ZNF561: variants seen among roughly 807,000 people sequenced by gnomAD.
The protein encoded by ZNF561 is zinc finger protein 561.
In ZNF561, 16 loss-of-function variants were observed where a neutral mutation model predicts 16.7. The ratio of observed to expected loss-of-function variants is 0.96; its 90% CI spans 0.65 to 1.45. The LOEUF is 1.45. Ranked by LOEUF, ZNF561 falls within the 40% of genes most tolerant of loss-of-function variation. The pLI, the probability that ZNF561 is intolerant of heterozygous loss-of-function variation, is 0.00. For missense variants in ZNF561, 580 were observed against 578.0 expected (o/e 1.00, Z -0.04); for synonymous variants, 190 against 192.1 (o/e 0.99, Z 0.09).
At chr19:9,618,643 G>A (rs1228736703) in intron 2 of ZNF561, among the ~76,000 whole-genome samples, 2 of 151,796 alleles carry the variant, frequency 1.3e-5, no homozygotes, top group African/African-American at 2.4e-5. Flanking sequence ...GGAGAATGGT[G>A]TGAACCCAGG....
chr19:9,616,837 G>A lies in ZNF561; in HGVS notation c.241+208C>T, dbSNP rs570884159. 36 of 496,754 alleles carry A rather than the reference G, an allele frequency of 7.2e-5. 1 individual carries two copies. Among genetic ancestry groups the A allele is most frequent in the Middle Eastern group, 1.2e-3 (2 of 1,660 alleles). 30.8% of individuals were successfully genotyped at this position (496,754 alleles called of 1,614,324 possible). ...TCTCCATCTCTGGACCTTGTGATCCGTCCACCTCAGCCTCCCAAAGTGCTG... is the reference window on the plus strand; with the variant it reads ...TCTCCATCTCTGGACCTTGTGATCCATCCACCTCAGCCTCCCAAAGTGCTG... On this transcript the variant is annotated intron_variant, in intron 4 of 5. Coordinates refer to ENST00000302851, the MANE Select transcript of ZNF561 (RefSeq NM_152289.3).
chr19:9,615,193 G>T (rs1044819286), intron 4 of ZNF561, among the ~76,000 whole-genome samples: 1 of 151,966 alleles, frequency 6.6e-6, no homozygotes, highest in Admixed American at 6.6e-5. Flanking sequence ...GGATATAAAA[G>T]CTAAGATCTC....
At position 9,617,161 on chromosome 19, in the gene ZNF561, G is replaced by T; in HGVS notation, c.125C>A (p.Thr42Lys). Residue 42 changes from threonine to lysine, a missense_variant, in exon 4 of 6, where the codon ACG becomes AAG. Thr to Lys is a moderately conservative substitution (Grantham distance 78). Transcript: ENST00000302851. ...GAAGTCCACAGCCACATCATCAAAC[G>T]TCACTGAATCCTATGTCATCATACA... is the stretch of plus-strand genomic sequence containing the variant. ...YLASGYQDSVTFDDVAVDFTP... is the reference protein window; with the variant it reads ...YLASGYQDSVKFDDVAVDFTP... 6.2e-7 allele frequency: 1 copy of T among 1,612,812 alleles called. No homozygotes were observed. The highest frequency in any genetic ancestry group is 8.5e-7 in the Non-Finnish European group (1 of 1,179,190).
chr19:9,618,357 A>G (rs182284815), intron 2 of ZNF561, among the ~76,000 whole-genome samples, 178 bp from the exon 3 acceptor site: 17 of 152,318 alleles, frequency 1.1e-4, no homozygotes, highest in Non-Finnish European at 1.9e-4. Flanking sequence ...GCTAGACACA[A>G]AAGCAGACTT....
chr19:9,614,092 G>A lies in ZNF561; in HGVS notation c.253C>T (p.Gln85Ter). 6.2e-7 allele frequency: 1 copy of A among 1,613,998 alleles called. No homozygotes were observed. Among genetic ancestry groups the A allele is most frequent in the South Asian group, 1.1e-5 (1 of 91,060 alleles). ...MNLASVEWEI[Q>*]PRTKRSSLQQ... ...AGTGATGACCGTTTGGTTCTAGGTTGTATTTCCCATTCTAAAGTTAAGCAG... is the reference window on the plus strand; with the variant it reads ...AGTGATGACCGTTTGGTTCTAGGTTATATTTCCCATTCTAAAGTTAAGCAG... The change falls in exon 5 of 6, where the codon CAA becomes TAA. Residue 85 changes from glutamine (Q) to a stop codon, truncating the protein, a stop_gained. Coordinates refer to ENST00000302851, the MANE Select transcript of ZNF561 (RefSeq NM_152289.3). LOFTEE classifies it high-confidence loss of function.
rs773005385 is a variant in ZNF561, at chr19:9,619,424, AGACTTACCACGG to A, written c.21_25+7del. 8.7e-6 allele frequency: 14 copies of A among 1,613,020 alleles called. No individual in the cohort carries two copies. In the South Asian group the frequency reaches 1.4e-4, roughly 16 times the overall value. ...AATCTCTGAAAAAGAGCATCAACAA[AGACTTACCACGG>A]GACAAATAAATGGCTGCCATTCTCT... On this transcript the variant is annotated splice_donor_variant and splice_donor_5th_base_variant and coding_sequence_variant and intron_variant, in exon 2 of 6. Coordinates refer to ENST00000302851, the MANE Select transcript of ZNF561 (RefSeq NM_152289.3). LOFTEE classifies it high-confidence loss of function.
intron 4 of ZNF561, among the ~76,000 whole-genome samples, chr19:9,615,241 C>T (rs956384391): frequency 6.6e-6 from 1 of 152,062 alleles, no homozygotes; most frequent in Non-Finnish European, 1.5e-5. Flanking sequence ...ATCTCTGACC[C>T]ATTAAACCCA....
rs567555346 is a variant in ZNF561, at chr19:9,614,476, C to T, written c.242-373G>A. 3.9e-5 allele frequency among the ~76,000 whole-genome samples: 6 copies of T among 152,180 alleles called. No homozygotes were observed. In the East Asian group the frequency reaches 5.8e-4, roughly 15 times the overall value. ...ATACAAAATTAGCCAGGCATGGTGG[C>T]GCATGCCTATAATCCCAGCTACTTG... is the stretch of plus-strand genomic sequence containing the variant. On this transcript the variant is annotated intron_variant, in intron 4 of 5. Coordinates refer to ENST00000302851, the MANE Select transcript of ZNF561 (RefSeq NM_152289.3).
chr19:9,614,058 C>T lies in ZNF561; in HGVS notation c.287G>A (p.Gly96Asp). ...ACTGAATATTTGATTCTTCAAAAAA[C>T]CCTGCTGAAGTGATGACCGTTTGGT... is the stretch of plus-strand genomic sequence containing the variant. ...PRTKRSSLQQ[G>D]FLKNQIFSGI... The change falls in exon 5 of 6, where the codon GGT (glycine) becomes GAT (aspartate). Residue 96 changes from glycine (G) to aspartate (D), a missense_variant. By Grantham distance (94) the Gly-to-Asp change is moderately conservative (BLOSUM62 -1). Transcript: ENST00000302851. 6.2e-7 allele frequency: 1 copy of T among 1,614,034 alleles called. No homozygotes were observed.
chr19:9,616,369 C>T (rs1373939343), intron 4 of ZNF561, among the ~76,000 whole-genome samples: 1 of 152,074 alleles, frequency 6.6e-6, no homozygotes, highest in African/African-American at 2.4e-5. Flanking sequence ...GCAACTTCTG[C>T]CTCCTTGTTC....
rs377126121 is a variant in ZNF561, at chr19:9,619,500, G to A, written c.-44C>T. On this transcript the variant is annotated 5_prime_UTR_variant, in exon 2 of 6. Coordinates refer to ENST00000302851, the MANE Select transcript of ZNF561 (RefSeq NM_152289.3). Reference sequence around the variant, plus strand: ...TGATGATGTGCATCCCTTCCTTGATGCCAAGATCACCTCAGGCCAGCTTAT... The same window carrying A: ...TGATGATGTGCATCCCTTCCTTGATACCAAGATCACCTCAGGCCAGCTTAT... The A allele has an allele frequency of 6.2e-7, 1 of 1,609,586 alleles. No individual in the cohort carries two copies. The highest frequency in any genetic ancestry group is 1.3e-5 in the African/African-American group (1 of 74,782).
chr19:9,618,290 C>T (rs2074596085), intron 2 of ZNF561, 111 bp from the exon 3 acceptor site: 8 of 1,029,804 alleles, frequency 7.8e-6, no homozygotes, highest in Non-Finnish European at 1.1e-5. Context: ...CTCCTACACA[C>T]TCGAGAAAAC....
At chr19:9,613,939 T>C (rs2074507067) in intron 5 of ZNF561, 82 bp downstream of exon 5, 6 of 1,551,584 alleles carry the variant, frequency 3.9e-6, no homozygotes, top group Non-Finnish European at 4.4e-6. Flanking sequence ...AAGCCACACC[T>C]CTGACTGAGC....
In ZNF561 at chr19:9,609,842, T is replaced by C. The variant is rs1003950785; in HGVS notation, c.*358A>G. ...CCCACCTTTGGGGTCCTACATCATC[T>C]TGGCTTCTGGTAAATTTTGACATAA... On this transcript the variant is annotated 3_prime_UTR_variant, in exon 6 of 6. Transcript: ENST00000302851. 9 of 182,890 alleles carry C rather than the reference T, an allele frequency of 4.9e-5. No homozygotes were observed. The South Asian group carries it at 1.2e-3, about 25-fold the overall frequency. 11.3% of individuals were successfully genotyped at this position (182,890 alleles called of 1,614,324 possible).
chr19:9,609,132 G>C lies in ZNF561; in HGVS notation c.*1068C>G, dbSNP rs2074400914. 6.6e-6 allele frequency: 1 copy of C among 152,204 alleles called. No individual in the cohort carries two copies. Among genetic ancestry groups the C allele is most frequent in the Non-Finnish European group, 1.5e-5 (1 of 68,038 alleles). The allele number at this position is 152,204 out of a possible 1,614,324, so 9.4% of individuals were successfully genotyped here. A position where few individuals can be genotyped will look rare whatever the true frequency, so the allele number is the denominator to read the frequency against. On this transcript the variant is annotated 3_prime_UTR_variant, in exon 6 of 6. Coordinates refer to ENST00000302851, the MANE Select transcript of ZNF561 (RefSeq NM_152289.3). ...GCCTTAAGGACATGTTCCTGTTGCA[G>C]ATAACAAGCCAGAGCCTGTCCCTTT...
At chr19:9,614,742 T>C (rs1277967625) in intron 4 of ZNF561, among the ~76,000 whole-genome samples, 3 of 151,958 alleles carry the variant, frequency 2.0e-5, no homozygotes, top group Non-Finnish European at 4.4e-5. Context: ...TATTAGATCA[T>C]AGGAATGTTT....
chr19:9,610,819 A>G lies in ZNF561; in HGVS notation c.842T>C (p.Phe281Ser). The change falls in exon 6 of 6, where the codon TTT (phenylalanine) becomes TCT (serine). Residue 281 changes from phenylalanine to serine, a missense_variant. By Grantham distance (155) the Phe-to-Ser change is radical. Coordinates refer to ENST00000302851, the MANE Select transcript of ZNF561 (RefSeq NM_152289.3). ...PVKTHKGEKS[F>S]ECKECGRSFR... is the part of the protein sequence containing the mutation. ...GGATCTTCCACATTCTTTACATTCAAAGGACTTCTCTCCTTTATGAGTTTT... is the reference window on the plus strand; with the variant it reads ...GGATCTTCCACATTCTTTACATTCAGAGGACTTCTCTCCTTTATGAGTTTT... 6.2e-7 allele frequency: 1 copy of G among 1,614,090 alleles called. No individual in the cohort carries two copies. Among genetic ancestry groups the G allele is most frequent in the Non-Finnish European group, 8.5e-7 (1 of 1,180,000 alleles).
At chr19:9,620,282 G>T (rs551567029) in intron 1 of ZNF561, among the ~76,000 whole-genome samples, 1 of 152,170 alleles carries the variant, frequency 6.6e-6, no homozygotes, top group Admixed American at 6.5e-5. Context: ...TAGAGACGCA[G>T]TTTCGCCATA....
At chr19:9,616,941 A>G (rs2074565435) in intron 4 of ZNF561, 104 bp downstream of exon 4, 1 of 1,423,820 alleles carries the variant, frequency 7.0e-7, no homozygotes, top group African/African-American at 1.4e-5. Context: ...TGCCCATGCT[A>G]GTATCAAACT....
Sources: allele counts gnomAD v4.1 joint callset (sites outside exome capture counted in the v4.1 genomes callset), GRCh38; gene constraint gnomAD v4.1.1; transcripts MANE v1.5; gene names NCBI Gene and HGNC (gene_info 2026-07-23, HGNC 2026-07-21).